KAZN: variants seen among roughly 807,000 people sequenced by gnomAD.
The protein encoded by KAZN is kazrin.
KAZN carries 40 observed loss-of-function variants against 87.4 expected under a neutral mutation model. The observed-to-expected ratio is 0.46, with a 90% CI of 0.36 to 0.60. The LOEUF (loss-of-function observed/expected upper bound fraction) is 0.60, where lower values mean the gene tolerates loss of function less well. Among genes scored for constraint, KAZN ranks in the 20% least tolerant of loss-of-function variants. KAZN has a pLI of 0.00. For synonymous variants in KAZN, 466 were observed against 458.3 expected (o/e 1.02, Z -0.22); for missense variants, 898 against 1,073.9 (o/e 0.84, Z 2.29).
At chr1:14,732,386 C>A (rs1181140509) in intron 1 of KAZN, among the ~76,000 whole-genome samples, 1 of 152,182 alleles carries the variant, frequency 6.6e-6, no homozygotes, top group African/African-American at 2.4e-5. Context: ...TGCCTGTAAT[C>A]CCAGCACTTT....
Position 14,935,364 on chromosome 1 carries a change from A to G in KAZN, c.227-25320A>G, listed in dbSNP as rs569443542. Among the ~76,000 whole-genome samples, 99 of 152,222 alleles carry G rather than the reference A, an allele frequency of 6.5e-4. 1 individual carries two copies. Among genetic ancestry groups the G allele is most frequent in the Middle Eastern group, 6.8e-3 (2 of 294 alleles). Reference sequence around the variant, plus strand: ...CAAGAAATTCTCCTGTCTTCCTAGCATCAGGGGCCCTACTGTGTCCTTTGT... The same window carrying G: ...CAAGAAATTCTCCTGTCTTCCTAGCGTCAGGGGCCCTACTGTGTCCTTTGT... On this transcript the variant is annotated intron_variant, in intron 1 of 14. Coordinates refer to ENST00000376030, the MANE Select transcript of KAZN (RefSeq NM_201628.3).
intron 1 of KAZN, among the ~76,000 whole-genome samples, chr1:14,914,831 G>A (rs1211085707): frequency 8.3e-6 from 1 of 120,246 alleles, no homozygotes; most frequent in Non-Finnish European, 1.9e-5. Context: ...TTGATAAAAT[G>A]AGGATAGTAA....
intron 10 of KAZN, among the ~76,000 whole-genome samples, 155 bp from the exon 11 acceptor site, chr1:15,101,388 C>A (rs553449323): frequency 1.9e-4 from 29 of 152,054 alleles, no homozygotes; most frequent in Non-Finnish European, 3.2e-4. Context: ...GATCTCTCGG[C>A]TCCATCCCTG....
At chr1:14,438,095 C>CAAAAAAA (rs35260375) in intron 2 of KAZN, among the ~76,000 whole-genome samples, 1 of 134,052 alleles carries the variant, frequency 7.5e-6, no homozygotes, top group Admixed American at 7.6e-5. Context: ...TCCCTAAAGC[C>CAAAAAAA]AAAAAAAAAA....
chr1:14,262,341 T>C (rs1368678305), intron 2 of KAZN, among the ~76,000 whole-genome samples: 1 of 152,174 alleles, frequency 6.6e-6, no homozygotes, highest in Non-Finnish European at 1.5e-5. Context: ...CTTAGATGAC[T>C]AAAATTGGTA....
At chr1:14,752,580 C>T (rs573080729) in intron 1 of KAZN, among the ~76,000 whole-genome samples, 14 of 152,156 alleles carry the variant, frequency 9.2e-5, no homozygotes, top group Non-Finnish European at 1.5e-4. Context: ...TATGTCCTCA[C>T]ATGGTGGAAG....
intron 2 of KAZN, among the ~76,000 whole-genome samples, chr1:14,560,764 A>G (rs1674204519): frequency 6.6e-6 from 1 of 152,150 alleles, no homozygotes; most frequent in South Asian, 2.1e-4. Context: ...AAGAAGGAGT[A>G]AAGATGGAGA....
chr1:14,390,379 C>A (rs938479361), intron 2 of KAZN, among the ~76,000 whole-genome samples: 1 of 152,086 alleles, frequency 6.6e-6, no homozygotes, highest in Non-Finnish European at 1.5e-5. Flanking sequence ...TTGGAAAGGG[C>A]GAAATCATGA....
intron 1 of KAZN, among the ~76,000 whole-genome samples, chr1:13,913,385 G>A (rs1639722582): frequency 6.6e-6 from 1 of 152,142 alleles, no homozygotes; most frequent in African/African-American, 2.4e-5. Context: ...TGTGGATTTG[G>A]TATTTTGGGG....
intron 2 of KAZN, among the ~76,000 whole-genome samples, chr1:14,406,946 G>C (rs1663900860): frequency 6.6e-6 from 1 of 152,196 alleles, no homozygotes. Context: ...AGTGCAAACA[G>C]AAGAGCTGAG....
At chr1:14,622,797 T>C (rs1022043921) in intron 1 of KAZN, among the ~76,000 whole-genome samples, 10 of 152,198 alleles carry the variant, frequency 6.6e-5, no homozygotes, top group Non-Finnish European at 1.0e-4. Context: ...CTGATTCTTT[T>C]ATTAAGGAGG....
chr1:15,021,856 A>G lies in KAZN; in HGVS notation c.419-12893A>G, dbSNP rs773914882. Among the ~76,000 whole-genome samples the G allele has an allele frequency of 1.3e-5, 2 of 151,936 alleles. No homozygotes were observed. The highest frequency in any genetic ancestry group is 4.2e-4 in the South Asian group (2 of 4,802). On this transcript the variant is annotated intron_variant, in intron 2 of 14. Coordinates refer to ENST00000376030, the MANE Select transcript of KAZN (RefSeq NM_201628.3). This position sits in a 1 kb window ranked among gnomAD's most constrained non-coding sequence, Gnocchi z 4.2. ...GTTTTCATGCTGCTGATAAAGACATACCCGAGACTAGGACATTTACAAAGA... is the reference window on the plus strand; with the variant it reads ...GTTTTCATGCTGCTGATAAAGACATGCCCGAGACTAGGACATTTACAAAGA...
chr1:14,338,327 C>CA (rs1271841786), intron 2 of KAZN, among the ~76,000 whole-genome samples: 6 of 146,456 alleles, frequency 4.1e-5, no homozygotes, highest in African/African-American at 1.5e-4. Flanking sequence ...AAAAAAAATA[C>CA]AAAAAAAATT....
chr1:14,073,888 G>A (rs981791329), intron 1 of KAZN, among the ~76,000 whole-genome samples: 1 of 152,160 alleles, frequency 6.6e-6, no homozygotes, highest in African/African-American at 2.4e-5. Context: ...ATAGTGGAAT[G>A]ATTTAAAATC....
chr1:14,408,776 A>G (rs1203843954), intron 2 of KAZN, among the ~76,000 whole-genome samples: 1 of 152,200 alleles, frequency 6.6e-6, no homozygotes, highest in African/African-American at 2.4e-5. Context: ...ATAGCACCAG[A>G]GAAGGTCCCT....
At chr1:14,211,928 T>G (rs1646861945) in intron 2 of KAZN, among the ~76,000 whole-genome samples, 1 of 152,070 alleles carries the variant, frequency 6.6e-6, no homozygotes, top group Admixed American at 6.5e-5. Context: ...CCCCGTTAAT[T>G]TTGTCCTATC....
chr1:14,841,178 GA>G (rs1317893706), intron 1 of KAZN, among the ~76,000 whole-genome samples: 1 of 151,834 alleles, frequency 6.6e-6, no homozygotes, highest in Non-Finnish European at 1.5e-5. Flanking sequence ...AGCACTTTGG[GA>G]GGCCAAGGCG....
chr1:14,346,918 C>T (rs1658146229), intron 2 of KAZN, among the ~76,000 whole-genome samples: 1 of 152,088 alleles, frequency 6.6e-6, no homozygotes, highest in Non-Finnish European at 1.5e-5. Flanking sequence ...AACAATATAT[C>T]TAATTATACT....
intron 2 of KAZN, among the ~76,000 whole-genome samples, chr1:14,372,614 T>C (rs139376216): frequency 1.1e-4 from 16 of 152,324 alleles, no homozygotes; most frequent in African/African-American, 3.8e-4. Context: ...TCAAAGATGA[T>C]TATTTATTGC....
Sources: allele counts gnomAD v4.1 joint callset (sites outside exome capture counted in the v4.1 genomes callset), GRCh38; gene constraint gnomAD v4.1.1; non-coding constraint Gnocchi (gnomAD v3.1); transcripts MANE v1.5; gene names NCBI Gene and HGNC (gene_info 2026-07-23, HGNC 2026-07-21).